Variants in FRMD3 observed in about 807,000 individuals in gnomAD.
FRMD3 encodes FERM domain containing 3.
FRMD3 carries 33 observed loss-of-function variants against 70.2 expected under a neutral mutation model. The ratio of observed to expected loss-of-function variants is 0.47; its 90% CI spans 0.36 to 0.63. FRMD3 has a LOEUF of 0.63. Among genes scored for constraint, FRMD3 ranks in the 20% least tolerant of loss-of-function variants. The pLI, the probability that FRMD3 is intolerant of heterozygous loss-of-function variation, is 0.00. For synonymous variants in FRMD3, 279 were observed against 255.9 expected (o/e 1.09, Z -0.86); for missense variants, 632 against 711.4 (o/e 0.89, Z 1.27).
chr9:83,479,572 A>T (rs1198570199), intron 1 of FRMD3, among the ~76,000 whole-genome samples: 1 of 142,936 alleles, frequency 7.0e-6, no homozygotes, highest in Admixed American at 7.3e-5. Context: ...GGCTGCAAAT[A>T]GCTATGATTG....
intron 1 of FRMD3, among the ~76,000 whole-genome samples, chr9:83,456,293 G>C (rs1827814168): frequency 6.6e-6 from 1 of 152,168 alleles, no homozygotes. Flanking sequence ...GGTGTGCCAT[G>C]CTTGATTTAG....
rs199706119 is a variant in FRMD3 at position 83,345,863 on chromosome 9, G to T, written c.375-2576C>A. Among the ~76,000 whole-genome samples, 17 of 152,236 alleles carry T rather than the reference G, an allele frequency of 1.1e-4. 1 individual carries two copies. In the East Asian group the frequency reaches 3.1e-3, roughly 28 times the overall value. On this transcript the variant is annotated intron_variant, in intron 4 of 13. Transcript: ENST00000304195. ...TGAGTAATAAGGTTCTAAACCAGTG[G>T]GCTTCTGGATCCTACCCCAGACCCA...
intron 3 of FRMD3, among the ~76,000 whole-genome samples, chr9:83,368,968 C>T (rs1294048092): frequency 6.6e-6 from 1 of 152,094 alleles, no homozygotes; most frequent in Admixed American, 6.5e-5. Flanking sequence ...GATTCTCCTG[C>T]CTCAGCCTCC....
chr9:83,440,158 A>G (rs1455851789), intron 1 of FRMD3, among the ~76,000 whole-genome samples: 1 of 152,224 alleles, frequency 6.6e-6, no homozygotes, highest in Admixed American at 6.5e-5. Context: ...CTTTGTAGCC[A>G]GTGGTCCTAT....
intron 1 of FRMD3, among the ~76,000 whole-genome samples, chr9:83,430,704 C>A (rs1826950169): frequency 6.6e-6 from 1 of 152,134 alleles, no homozygotes; most frequent in Non-Finnish European, 1.5e-5. Flanking sequence ...CCGTTGGTAG[C>A]CCCACGTCCA....
chr9:83,463,322 A>C (rs542819533), intron 1 of FRMD3, among the ~76,000 whole-genome samples: 1 of 152,316 alleles, frequency 6.6e-6, no homozygotes, highest in South Asian at 2.1e-4. Context: ...GACATATGTG[A>C]GACTGGGTAA....
chr9:83,245,253 T>C lies in FRMD3; in HGVS notation c.*2665A>G. ...AATATACATATACTCACACACTTGCTTTAAACTCTATATCTCACTCTATAA... is the reference window on the plus strand; with the variant it reads ...AATATACATATACTCACACACTTGCCTTAAACTCTATATCTCACTCTATAA... On this transcript the variant is annotated 3_prime_UTR_variant, in exon 14 of 14. Transcript: ENST00000304195. The C allele has an allele frequency of 4.1e-6, 4 of 985,336 alleles. No homozygotes were observed. Among genetic ancestry groups the C allele is most frequent in the Non-Finnish European group, 3.6e-6 (3 of 829,818 alleles). The allele number at this position is 985,336 out of a possible 1,614,324, so 61.0% of individuals were successfully genotyped here.
chr9:83,321,772 G>A (rs1365293300), intron 6 of FRMD3, among the ~76,000 whole-genome samples: 4 of 152,020 alleles, frequency 2.6e-5, no homozygotes, highest in African/African-American at 4.8e-5. Flanking sequence ...CTGTGAGTGG[G>A]GTGTTGAACT....
At chr9:83,244,576 T>TGACTA, downstream of FRMD3, 1 of 655,584 alleles carries the variant, frequency 1.5e-6, no homozygotes, top group Non-Finnish European at 1.9e-6. Context: ...TCCAACAACC[T>TGACTA]GACTATACAA....
intron 1 of FRMD3, among the ~76,000 whole-genome samples, chr9:83,510,561 C>G (rs1413311177): frequency 6.6e-6 from 1 of 152,230 alleles, no homozygotes; most frequent in Non-Finnish European, 1.5e-5. Flanking sequence ...AAAACCCATA[C>G]ACAAATACTC....
At chr9:83,445,387 T>TAGATAGAC (rs1827430774) in intron 1 of FRMD3, among the ~76,000 whole-genome samples, 1 of 133,724 alleles carries the variant, frequency 7.5e-6, no homozygotes, top group Non-Finnish European at 1.6e-5. Flanking sequence ...GATAGACAGA[T>TAGATAGAC]AGATAAGATA....
At chr9:83,306,354 T>C (rs1194490812) in intron 10 of FRMD3, among the ~76,000 whole-genome samples, 1 of 152,208 alleles carries the variant, frequency 6.6e-6, no homozygotes, top group South Asian at 2.1e-4. Flanking sequence ...TCTTTCACAC[T>C]GGTCAAGCCA....
chr9:83,493,259 G>A (rs12350750), intron 1 of FRMD3, among the ~76,000 whole-genome samples: 11,618 of 152,234 alleles, frequency 0.076, 498 homozygotes, highest in African/African-American at 0.088. Context: ...AAGACCTGCA[G>A]GGAGGTGGCT....
At chr9:83,514,736 C>G (rs1186325336) in intron 1 of FRMD3, among the ~76,000 whole-genome samples, 1 of 152,180 alleles carries the variant, frequency 6.6e-6, no homozygotes, top group African/African-American at 2.4e-5. Flanking sequence ...CTGGCAGATG[C>G]CCCTCTAAGA....
chr9:83,355,279 T>C lies in FRMD3; in HGVS notation c.296-5522A>G, dbSNP rs1462631459. Among the ~76,000 whole-genome samples the C allele has an allele frequency of 7.2e-5, 11 of 152,306 alleles. No homozygotes were observed. The East Asian group carries it at 2.1e-3, about 29-fold the overall frequency. On this transcript the variant is annotated intron_variant, in intron 3 of 13. Transcript: ENST00000304195. ...TTTGGTGCAGAATCAGTACAGGAAA[T>C]GTCTGATGAAGGAGCTATCTGCGCA...
chr9:83,249,427 G>A (rs1442223135), intron 13 of FRMD3, among the ~76,000 whole-genome samples: 1 of 152,158 alleles, frequency 6.6e-6, no homozygotes, highest in African/African-American at 2.4e-5. Flanking sequence ...GGGAAATAAA[G>A]TTAGCATCAA....
At chr9:83,503,223 T>C (rs781464419) in intron 1 of FRMD3, among the ~76,000 whole-genome samples, 3 of 152,186 alleles carry the variant, frequency 2.0e-5, no homozygotes, top group Non-Finnish European at 2.9e-5. Flanking sequence ...GGCCATCAGA[T>C]AGGGAAATTA....
the FRMD3 span, among the ~76,000 whole-genome samples, chr9:83,571,846 AAAGAGAATGAGAG>A: frequency 6.6e-6 from 1 of 152,204 alleles, no homozygotes; most frequent in Non-Finnish European, 1.5e-5. Context: ...AGTGTGTTTC[AAAGAGAATGAGAG>A]AAGAGAAATT....
chr9:83,267,322 G>C, intron 13 of FRMD3: 1 of 1,422,528 alleles, frequency 7.0e-7, no homozygotes, highest in Admixed American at 2.7e-5. Context: ...GGAGGGAGGG[G>C]ACGCTATTTT....
Sources: gnomAD v4.1 joint callset for allele counts (sites outside exome capture counted in the v4.1 genomes callset) on GRCh38, gnomAD v4.1.1 for gene constraint, MANE v1.5 for transcripts, NCBI Gene and HGNC (gene_info 2026-07-23, HGNC 2026-07-21) for gene names.